The following BSCL2 variants were observed in gnomAD, a reference collection of about 807,000 sequenced individuals.
The protein encoded by BSCL2 is BSCL2 lipid droplet biogenesis associated, seipin.
A neutral mutation model predicts 57.4 loss-of-function variants in BSCL2; 41 were observed. The ratio of observed to expected loss-of-function variants is 0.71; its 90% CI spans 0.56 to 0.93. The LOEUF (loss-of-function observed/expected upper bound fraction) is 0.93, where lower values mean the gene tolerates loss of function less well. Ranked by LOEUF, BSCL2 falls within the 40% of genes least tolerant of loss-of-function variation. The probability of loss-of-function intolerance (pLI) is 0.00; values close to 1 mark genes in which losing one functional copy is unlikely to be tolerated. For synonymous variants in BSCL2, 237 were observed against 227.3 expected, an observed-to-expected ratio of 1.04 and a Z score of -0.38; for missense variants, 539 against 586.7, an observed-to-expected ratio of 0.92 and a Z score of 0.84.
intron 2 of BSCL2, among the ~76,000 whole-genome samples, chr11:62,704,369 TAAAAAAAAAAAA>T (rs71056549): frequency 2.2e-4 from 18 of 81,766 alleles, no homozygotes; most frequent in African/African-American, 9.4e-4. Flanking sequence ...CCATCTCTAC[TAAAAAAAAAAAA>T]AAAAAAAAAA....
At position 62,705,302 on chromosome 11, in the gene BSCL2, T is replaced by G; in HGVS notation, c.403A>C (p.Arg135=). ...SHLSPVHFYY[R]TDCDSSTTSL... is the part of the protein sequence containing the mutation. ...ATTTTGATAGAAGGCCCCTCTCACC[T>G]GTAGTAGAAATGCACAGGGCTGAGG... Residue 135 remains arginine, a splice_region_variant and synonymous_variant, in exon 2 of 11, where the codon AGG becomes CGG. Coordinates refer to ENST00000360796, the MANE Select transcript of BSCL2 (RefSeq NM_001122955.4). 2 of 1,609,600 alleles carry G rather than the reference T, an allele frequency of 1.2e-6. No homozygotes were observed. Among genetic ancestry groups the G allele is most frequent in the South Asian group, 2.2e-5 (2 of 90,438 alleles).
chr11:62,701,658 C>T (rs1945642302), intron 3 of BSCL2, among the ~76,000 whole-genome samples: 1 of 151,946 alleles, frequency 6.6e-6, no homozygotes, highest in Non-Finnish European at 1.5e-5. Flanking sequence ...GGTGAAATCC[C>T]ATCCCTACTA....
intron 2 of BSCL2, among the ~76,000 whole-genome samples, chr11:62,703,230 GAAAACGCCTCC>G (rs1945697371): frequency 1.3e-5 from 2 of 151,470 alleles, no homozygotes; most frequent in Non-Finnish European, 2.9e-5. Context: ...CCTAGTTTGA[GAAAACGCCTCC>G]AAAAGGATCT....
chr11:62,692,286 G>A, intron 6 of BSCL2, 90 bp downstream of exon 6: 2 of 1,364,920 alleles, frequency 1.5e-6, no homozygotes, highest in Non-Finnish European at 2.1e-6. Context: ...GCTCTGCTCT[G>A]TAAACCCATT....
intron 4 of BSCL2, among the ~76,000 whole-genome samples, chr11:62,693,369 T>A (rs576960897): frequency 6.6e-6 from 1 of 152,004 alleles, no homozygotes; most frequent in African/African-American, 2.4e-5. Context: ...CCAGGTGTAG[T>A]GGTGAGCACC....
At chr11:62,703,218 G>T (rs1945697007) in intron 2 of BSCL2, among the ~76,000 whole-genome samples, 1 of 151,912 alleles carries the variant, frequency 6.6e-6, no homozygotes, top group East Asian at 1.9e-4. Context: ...TCTGGTCTGG[G>T]TCCTAGTTTG....
At chr11:62,709,285 T>C (rs1024595100), upstream of BSCL2, 4 of 453,972 alleles carry the variant, frequency 8.8e-6, no homozygotes, top group East Asian at 6.9e-5. Flanking sequence ...GGCCAATCAA[T>C]GCAGGCTAGA....
chr11:62,695,837 C>A (rs1279341864), intron 3 of BSCL2, among the ~76,000 whole-genome samples: 2 of 151,906 alleles, frequency 1.3e-5, no homozygotes, highest in African/African-American at 4.8e-5. Context: ...ATGGTTGACA[C>A]CACTGATAGG....
intron 6 of BSCL2, among the ~76,000 whole-genome samples, chr11:62,692,148 G>A (rs1265032317): frequency 6.6e-6 from 1 of 151,956 alleles, no homozygotes; most frequent in African/African-American, 2.4e-5. Context: ...GAACAGGGAT[G>A]ATGGAGGGTT....
In BSCL2 at chr11:62,704,705, C is replaced by CACTGCACT. The variant is rs1318407344; in HGVS notation, c.404+588_404+595dup. Among the ~76,000 whole-genome samples, 7 of 152,142 alleles carry CACTGCACT rather than the reference C, an allele frequency of 4.6e-5. No homozygotes were observed. In the East Asian group the frequency reaches 1.3e-3, roughly 29 times the overall value. On this transcript the variant is annotated intron_variant, in intron 2 of 10. Transcript: ENST00000360796. ...AGGTTGCAGTGAGCAGACACTGCAC[C>CACTGCACT]ACTGCACTCCAGCCTGGGCAACAGA...
Position 62,691,149 on chromosome 11 carries a change from G to A in BSCL2, c.1006-8C>T, listed in dbSNP as rs1057521013. ...TCTTTTTCGGATGTTAACCTGTGGA[G>A]GAAAAACTACTGAGCAGCCAGGACT... On this transcript the variant is annotated splice_region_variant and splice_polypyrimidine_tract_variant and intron_variant, in intron 7 of 10. Coordinates refer to ENST00000360796, the MANE Select transcript of BSCL2 (RefSeq NM_001122955.4). 3 of 1,614,194 alleles carry A rather than the reference G, an allele frequency of 1.9e-6. No individual in the cohort carries two copies. The highest frequency in any genetic ancestry group is 1.7e-6 in the Non-Finnish European group (2 of 1,180,046).
chr11:62,691,438 G>A lies in BSCL2; in HGVS notation c.864-17C>T. 1.2e-6 allele frequency: 2 copies of A among 1,613,832 alleles called. No individual in the cohort carries two copies. Among genetic ancestry groups the A allele is most frequent in the Non-Finnish European group, 1.7e-6 (2 of 1,179,784 alleles). ...AGCAGGTATCTGAGGCAGGAAGTAG[G>A]GACAAGAAGGTAGTAGCAGTTACCA... On this transcript the variant is annotated splice_polypyrimidine_tract_variant and intron_variant, in intron 6 of 10. Coordinates refer to ENST00000360796, the MANE Select transcript of BSCL2 (RefSeq NM_001122955.4).
intron 3 of BSCL2, among the ~76,000 whole-genome samples, chr11:62,701,105 G>A (rs1460729188): frequency 1.3e-5 from 2 of 152,076 alleles, no homozygotes; most frequent in African/African-American, 4.8e-5. Flanking sequence ...CCTTTGTAAT[G>A]ACACGATGCA....
rs755290954 is a variant in BSCL2 at position 62,690,650 on chromosome 11, A to G, written c.1196T>C (p.Leu399Pro). 6.2e-7 allele frequency: 1 copy of G among 1,613,922 alleles called. No homozygotes were observed. ...SEEEKPDQQP[L>P]SGEEELEPEA... ...AGGCTCTAGCTCCTCTTCTCCGCTC[A>G]GGGGCTGCTGATCTGGTTTCTCCTC... Residue 399 changes from leucine (L) to proline (P), a missense_variant, in exon 10 of 11, where the codon CTG becomes CCG. By Grantham distance (98) the Leu-to-Pro change is moderately conservative. Coordinates refer to ENST00000360796, the MANE Select transcript of BSCL2 (RefSeq NM_001122955.4).
chr11:62,701,756 C>G (rs945545341), intron 3 of BSCL2, among the ~76,000 whole-genome samples: 6 of 150,394 alleles, frequency 4.0e-5, no homozygotes, highest in Non-Finnish European at 4.4e-5. Flanking sequence ...CGCTTGAACC[C>G]AGGAGGTGGA....
chr11:62,708,843 C>G, upstream of BSCL2: 4 of 1,511,700 alleles, frequency 2.6e-6, no homozygotes, highest in Non-Finnish European at 3.7e-6. Flanking sequence ...TCCCTTTTCC[C>G]TCTCCTGGGC....
In BSCL2 at chr11:62,707,252, A is replaced by C; in HGVS notation, c.-57T>G. The C allele has an allele frequency of 6.8e-7, 1 of 1,470,496 alleles. No individual in the cohort carries two copies. The highest frequency in any genetic ancestry group is 2.5e-5 in the East Asian group (1 of 40,506). 91.1% of individuals were successfully genotyped at this position (1,470,496 alleles called of 1,614,324 possible). On this transcript the variant is annotated 5_prime_UTR_variant, in exon 1 of 11. Transcript: ENST00000360796. The stretch of plus-strand genomic sequence containing the variant: ...TTCCACTGAGTCACTTGTGGCTAAA[A>C]CGTGAAGTGGCGATCCAGACGCTGA...
upstream of BSCL2, chr11:62,708,052 T>G: frequency 3.7e-6 from 2 of 539,472 alleles, no homozygotes; most frequent in East Asian, 3.2e-5. Flanking sequence ...CCTTAAATCA[T>G]TTGTGTAAGG....
chr11:62,709,062 T>A (rs925135023), upstream of BSCL2: 3 of 500,942 alleles, frequency 6.0e-6, no homozygotes, highest in Non-Finnish European at 7.5e-6. Context: ...CCCGTCAGAC[T>A]CTGCCAGCGC....
Sources: gnomAD v4.1 joint callset for allele counts (sites outside exome capture counted in the v4.1 genomes callset) on GRCh38, gnomAD v4.1.1 for gene constraint, MANE v1.5 for transcripts, NCBI Gene and HGNC (gene_info 2026-07-23, HGNC 2026-07-21) for gene names.